The following LRRC4C variants were observed in gnomAD, a reference collection of about 807,000 sequenced individuals.
LRRC4C encodes the protein leucine rich repeat containing 4C, also known as leucine-rich repeat-containing protein 4C.
Under a neutral mutation model 33.6 loss-of-function variants are expected in LRRC4C, and 5 were observed. That is an observed-to-expected ratio of 0.15 (90% CI 0.08 to 0.31). LRRC4C has a LOEUF of 0.31. LRRC4C is among the 10% of genes least tolerant of loss of function. LRRC4C has a pLI of 1.00. For synonymous variants in LRRC4C, 329 were observed against 302.0 expected, an observed-to-expected ratio of 1.09 and a Z score of -0.93; for missense variants, 560 against 796.7, an observed-to-expected ratio of 0.70 and a Z score of 3.58.
chr11:40,506,335 G>A (rs1327817252), intron 3 of LRRC4C, among the ~76,000 whole-genome samples: 1 of 152,120 alleles, frequency 6.6e-6, no homozygotes, highest in Non-Finnish European at 1.5e-5. Flanking sequence ...ATGCAGCTGT[G>A]TGGCTTTTCA....
chr11:41,085,928 CAAAAAAAA>C (rs10717008), intron 1 of LRRC4C, among the ~76,000 whole-genome samples: 15 of 80,192 alleles, frequency 1.9e-4, no homozygotes, highest in Middle Eastern at 8.9e-3. Flanking sequence ...TTTAAGACAC[CAAAAAAAA>C]AAAAAAAAAA....
chr11:41,022,651 G>T (rs1016225781), intron 1 of LRRC4C, among the ~76,000 whole-genome samples: 2 of 151,932 alleles, frequency 1.3e-5, no homozygotes, highest in African/African-American at 4.8e-5. Context: ...GTACATGTGG[G>T]TAACCTGTCA....
chr11:41,233,665 T>G (rs2136482018), intron 1 of LRRC4C, among the ~76,000 whole-genome samples: 1 of 152,176 alleles, frequency 6.6e-6, no homozygotes, highest in Admixed American at 6.6e-5. Context: ...AGCTGTACAT[T>G]TTTATTTATG....
At chr11:41,005,479 C>T (rs1001123716) in intron 1 of LRRC4C, among the ~76,000 whole-genome samples, 2 of 152,112 alleles carry the variant, frequency 1.3e-5, no homozygotes, top group African/African-American at 2.4e-5. Flanking sequence ...TGGCACATGC[C>T]TGTAATCCCA....
chr11:41,441,652 T>C (rs887308325), intron 1 of LRRC4C, among the ~76,000 whole-genome samples: 1 of 149,964 alleles, frequency 6.7e-6, no homozygotes, highest in African/African-American at 2.4e-5. Context: ...CTGGCATGTC[T>C]CTTCCTTCTA....
chr11:41,377,730 T>C (rs965793411), intron 1 of LRRC4C, among the ~76,000 whole-genome samples: 2 of 152,132 alleles, frequency 1.3e-5, no homozygotes, highest in South Asian at 4.1e-4. Flanking sequence ...CTGAAATGTT[T>C]TACTCGTTAT....
At chr11:41,262,636 G>T (rs187092230) in intron 1 of LRRC4C, among the ~76,000 whole-genome samples, 2 of 152,178 alleles carry the variant, frequency 1.3e-5, no homozygotes, top group Admixed American at 1.3e-4. Flanking sequence ...TTCAAATCAA[G>T]CAAAGCAAGT....
chr11:40,535,611 GT>G (rs1956439743), intron 3 of LRRC4C, among the ~76,000 whole-genome samples: 1 of 152,302 alleles, frequency 6.6e-6, no homozygotes, highest in East Asian at 1.9e-4. Flanking sequence ...TGTGTGTTTT[GT>G]TTTTAAACAA....
intron 1 of LRRC4C, among the ~76,000 whole-genome samples, chr11:41,048,921 G>A (rs115865622): frequency 0.027 from 4,080 of 152,262 alleles, 209 homozygotes; most frequent in African/African-American, 0.094. Context: ...TTCCTGGATC[G>A]TAAATTTTAA....
intron 2 of LRRC4C, among the ~76,000 whole-genome samples, chr11:40,791,540 A>G (rs1056889201): frequency 6.6e-6 from 1 of 152,226 alleles, no homozygotes; most frequent in Non-Finnish European, 1.5e-5. Flanking sequence ...ACTATGGAGA[A>G]GTAATCATGT....
intron 2 of LRRC4C, among the ~76,000 whole-genome samples, chr11:40,922,944 C>A (rs192587186): frequency 6.6e-6 from 1 of 152,248 alleles, no homozygotes; most frequent in Non-Finnish European, 1.5e-5. Flanking sequence ...CATGCCTCAA[C>A]CTCCCAAGTA....
intron 2 of LRRC4C, among the ~76,000 whole-genome samples, chr11:40,821,437 G>C (rs1399017162): frequency 6.6e-6 from 1 of 151,518 alleles, no homozygotes; most frequent in Non-Finnish European, 1.5e-5. Flanking sequence ...ATCGGTGCCA[G>C]GATATGAATA....
Position 40,261,420 on chromosome 11 carries a change from G to A in LRRC4C, c.-175-19822C>T, listed in dbSNP as rs576171711. Among the ~76,000 whole-genome samples the A allele has an allele frequency of 5.9e-4, 90 of 152,052 alleles. 1 individual carries two copies. The highest frequency in any genetic ancestry group is 1.1e-3 in the Non-Finnish European group (73 of 68,012). On this transcript the variant is annotated intron_variant, in intron 4 of 6. Transcript: ENST00000528697. Reference sequence around the variant, plus strand: ...GAAGGGAAGATCATTTGTTAAGGCCGATATATTTTCCAGTGTGAAGGAGAA... The same window carrying A: ...GAAGGGAAGATCATTTGTTAAGGCCAATATATTTTCCAGTGTGAAGGAGAA...
chr11:41,415,064 C>T lies in LRRC4C; in HGVS notation c.-496+44367G>A, dbSNP rs779007887. 2.0e-5 allele frequency among the ~76,000 whole-genome samples: 3 copies of T among 152,114 alleles called. 1 individual carries two copies. Among genetic ancestry groups the T allele is most frequent in the African/African-American group, 7.2e-5 (3 of 41,422 alleles). On this transcript the variant is annotated intron_variant, in intron 1 of 6. Coordinates refer to ENST00000528697, the MANE Select transcript of LRRC4C (RefSeq NM_001258419.2). ...CACAATCTTCTTTCCACATACAGTG[C>T]ATCTGCTGGAAATTACTCTCTAGCC...
chr11:40,805,377 T>C (rs763876831), intron 2 of LRRC4C, among the ~76,000 whole-genome samples: 6 of 152,180 alleles, frequency 3.9e-5, no homozygotes, highest in Non-Finnish European at 5.9e-5. Flanking sequence ...GGACAAATCG[T>C]CACTTACAGT....
intron 3 of LRRC4C, among the ~76,000 whole-genome samples, chr11:40,528,386 T>C (rs758347510): frequency 1.3e-5 from 2 of 152,124 alleles, no homozygotes; most frequent in Non-Finnish European, 2.9e-5. Flanking sequence ...CAATAAGTAT[T>C]ATAAAAAGAT....
chr11:40,953,409 G>T (rs979124400), intron 1 of LRRC4C, among the ~76,000 whole-genome samples: 2 of 151,746 alleles, frequency 1.3e-5, no homozygotes, highest in African/African-American at 2.4e-5. Context: ...GTCAAGAAAA[G>T]TCTCCCTGAC....
At position 40,138,449 on chromosome 11, in the gene LRRC4C, A is replaced by T. The variant is rs1436495364; in HGVS notation, c.-43+2352T>A. Among the ~76,000 whole-genome samples, 4 of 152,326 alleles carry T rather than the reference A, an allele frequency of 2.6e-5. No homozygotes were observed. In the East Asian group the frequency reaches 7.7e-4, roughly 29 times the overall value. On this transcript the variant is annotated intron_variant, in intron 6 of 6. Coordinates refer to ENST00000528697, the MANE Select transcript of LRRC4C (RefSeq NM_001258419.2). The stretch of plus-strand genomic sequence containing the variant: ...TAAAGGGATGAAGACTAACACTACT[A>T]CTATGATGTACTAGCTGTAGTATCA...
At chr11:40,427,803 C>G (rs1042159279) in intron 3 of LRRC4C, among the ~76,000 whole-genome samples, 6 of 151,934 alleles carry the variant, frequency 3.9e-5, no homozygotes, top group African/African-American at 9.7e-5. Flanking sequence ...GCATTTCAGC[C>G]TGGGCAACAG....
Sources: allele counts gnomAD v4.1 joint callset (sites outside exome capture counted in the v4.1 genomes callset), GRCh38; gene constraint gnomAD v4.1.1; transcripts MANE v1.5; gene names NCBI Gene and HGNC (gene_info 2026-07-23, HGNC 2026-07-21).